The following DPY19L1 variants were observed in gnomAD, a reference collection of about 807,000 sequenced individuals.
DPY19L1 encodes the protein protein C-mannosyl-transferase DPY19L1.
Under a neutral mutation model 96.9 loss-of-function variants are expected in DPY19L1, and 35 were observed. That is an observed-to-expected ratio of 0.36 (90% CI 0.28 to 0.48). The LOEUF (loss-of-function observed/expected upper bound fraction) is 0.48, where lower values mean the gene tolerates loss of function less well. Among genes scored for constraint, DPY19L1 ranks in the 20% least tolerant of loss-of-function variants. The pLI, the probability that DPY19L1 is intolerant of heterozygous loss-of-function variation, is 0.99. For synonymous variants in DPY19L1, 205 were observed against 252.6 expected, an observed-to-expected ratio of 0.81 and a Z score of 1.79; for missense variants, 521 against 777.9, an observed-to-expected ratio of 0.67 and a Z score of 3.93.
chr7:35,017,072 T>C lies in DPY19L1; in HGVS notation c.411+810A>G, dbSNP rs376960707. On this transcript the variant is annotated intron_variant, in intron 3 of 21. Coordinates refer to ENST00000638088, the MANE Select transcript of DPY19L1 (RefSeq NM_001366673.1). ...TTTCTATTTGATTATATTAAGGATA[T>C]TGTTAAATGTTTTCCAGTATGTCTT... Among the ~76,000 whole-genome samples the C allele has an allele frequency of 7.2e-5, 11 of 152,122 alleles. No homozygotes were observed. In the East Asian group the frequency reaches 1.4e-3, roughly 19 times the overall value.
At chr7:35,008,704 A>AT (rs1043801599) in intron 6 of DPY19L1, among the ~76,000 whole-genome samples, 8 of 152,156 alleles carry the variant, frequency 5.3e-5, no homozygotes, top group African/African-American at 1.7e-4. Flanking sequence ...AAGACCCCAT[A>AT]TTTTTTTAAA....
intron 1 of DPY19L1, among the ~76,000 whole-genome samples, chr7:35,022,935 G>A (rs911530576): frequency 2.6e-4 from 39 of 152,234 alleles, no homozygotes; most frequent in African/African-American, 7.5e-4. Context: ...GCGGCTGGGC[G>A]GACACTCCCC....
chr7:35,029,999 G>A (rs1451170028), intron 1 of DPY19L1, among the ~76,000 whole-genome samples: 2 of 152,152 alleles, frequency 1.3e-5, no homozygotes, highest in Non-Finnish European at 2.9e-5. Context: ...AATTCTAAGA[G>A]GGTAACCTTT....
At chr7:35,035,602 C>T (rs778945121) in intron 1 of DPY19L1, among the ~76,000 whole-genome samples, 50 of 152,208 alleles carry the variant, frequency 3.3e-4, no homozygotes, top group Non-Finnish European at 6.0e-4. Context: ...CACACACTTT[C>T]TTTTATTACA....
chr7:34,942,663 C>T, intron 16 of DPY19L1, 24 bp from the exon 17 acceptor site: 1 of 1,582,664 alleles, frequency 6.3e-7, no homozygotes, highest in Non-Finnish European at 8.6e-7. Context: ...AAATATATTG[C>T]CATCAATTCA....
At chr7:35,027,688 A>AAAAAAAAAAAAAAAAAAAG (rs1786160235) in intron 1 of DPY19L1, among the ~76,000 whole-genome samples, 1 of 148,704 alleles carries the variant, frequency 6.7e-6, no homozygotes, top group Non-Finnish European at 1.5e-5. Flanking sequence ...AAAAAAAAAA[A>AAAAAAAAAAAAAAAAAAAG]TTAGTTGGGC....
chr7:35,033,854 T>A (rs890526110), intron 1 of DPY19L1, among the ~76,000 whole-genome samples: 11 of 151,978 alleles, frequency 7.2e-5, no homozygotes, highest in Non-Finnish European at 1.5e-5. Context: ...CAGGGTACAA[T>A]GGCCAAAATC....
chr7:35,023,447 C>T (rs1437503188), intron 1 of DPY19L1, among the ~76,000 whole-genome samples: 2 of 152,234 alleles, frequency 1.3e-5, no homozygotes, highest in Non-Finnish European at 2.9e-5. Flanking sequence ...TCTCCCACAA[C>T]TGCAGCCACC....
At chr7:35,026,634 T>C (rs909335222) in intron 1 of DPY19L1, among the ~76,000 whole-genome samples, 5 of 152,128 alleles carry the variant, frequency 3.3e-5, no homozygotes, top group East Asian at 1.9e-4. Context: ...GAGAAGAATA[T>C]AGTAACAATC....
Position 34,995,320 on chromosome 7 carries a change from G to A in DPY19L1, c.765-5379C>T, listed in dbSNP as rs1277538057. Among the ~76,000 whole-genome samples, 4 of 142,850 alleles carry A rather than the reference G, an allele frequency of 2.8e-5. No homozygotes were observed. The South Asian group carries it at 8.7e-4, about 31-fold the overall frequency. The allele number at this position is 142,850 out of a possible 152,430, so 93.7% of individuals were successfully genotyped here. A position where few individuals can be genotyped will look rare whatever the true frequency, so the allele number is the denominator to read the frequency against. ...GTTGATATTTTAGCATTCCCTAGTGGTTAAAAAAAAAAAGTCTCTTCTGCA... is the reference window on the plus strand; with the variant it reads ...GTTGATATTTTAGCATTCCCTAGTGATTAAAAAAAAAAAGTCTCTTCTGCA... On this transcript the variant is annotated intron_variant, in intron 6 of 21. Coordinates refer to ENST00000638088, the MANE Select transcript of DPY19L1 (RefSeq NM_001366673.1).
intron 3 of DPY19L1, among the ~76,000 whole-genome samples, chr7:35,014,432 G>A (rs561349482): frequency 9.9e-5 from 15 of 151,900 alleles, no homozygotes; most frequent in Admixed American, 9.2e-4. Flanking sequence ...GAAGCCTAAC[G>A]GAGAGTCTAA....
In DPY19L1 at chr7:34,954,350, T is replaced by C. The variant is rs192389324; in HGVS notation, c.1320+348A>G. Among the ~76,000 whole-genome samples, 22 of 152,104 alleles carry C rather than the reference T, an allele frequency of 1.4e-4. No individual in the cohort carries two copies. The East Asian group carries it at 4.2e-3, about 29-fold the overall frequency. Reference sequence around the variant, plus strand: ...AAAAAAGAATGAGACTATAATACGATCTCCAATTAAGGCTCTAAAGATGGT... The same window carrying C: ...AAAAAAGAATGAGACTATAATACGACCTCCAATTAAGGCTCTAAAGATGGT... On this transcript the variant is annotated intron_variant, in intron 13 of 21. Coordinates refer to ENST00000638088, the MANE Select transcript of DPY19L1 (RefSeq NM_001366673.1).
In DPY19L1 at chr7:34,931,725, C is replaced by T; in HGVS notation, c.2095G>A (p.Gly699Ser). The change falls in exon 22 of 22, where the codon GGT becomes AGT. Residue 699 changes from glycine (G) to serine (S), a missense_variant. Transcript: ENST00000638088. Reference protein sequence around the residue: ...ESWCVRRSKPGCSMPEIWDVE... With the variant: ...ESWCVRRSKPSCSMPEIWDVE... ...TCCCAAATTTCAGGCATACTGCAAC[C>T]AGGCCTAGAAAAATGAATGTACATG... 1 of 1,567,160 alleles carries T rather than the reference C, an allele frequency of 6.4e-7. No homozygotes were observed.
intron 13 of DPY19L1, 182 bp downstream of exon 13, chr7:34,954,516 A>G (rs1442081035): frequency 6.1e-5 from 23 of 374,640 alleles, no homozygotes; most frequent in Admixed American, 3.7e-4. Flanking sequence ...TTAAGAAACT[A>G]ATTTTGGAGA....
chr7:34,988,516 G>T (rs1785098084), intron 7 of DPY19L1, among the ~76,000 whole-genome samples: 1 of 151,258 alleles, frequency 6.6e-6, no homozygotes, highest in African/African-American at 2.4e-5. Flanking sequence ...TTACATTTCT[G>T]TGATTCTAAA....
At chr7:34,955,205 A>T (rs1784352305) in intron 12 of DPY19L1, 103 bp downstream of exon 12, 2 of 1,405,552 alleles carry the variant, frequency 1.4e-6, no homozygotes, top group East Asian at 4.9e-5. Flanking sequence ...AAACTGTTGG[A>T]TCCCCTGAGT....
intron 1 of DPY19L1, among the ~76,000 whole-genome samples, chr7:35,024,005 T>C (rs1021798938): frequency 7.9e-5 from 12 of 151,832 alleles, no homozygotes; most frequent in African/African-American, 2.9e-4. Flanking sequence ...CCGGCTAATT[T>C]TTTGTATTTT....
chr7:34,974,171 TA>T (rs1447084069), intron 7 of DPY19L1, among the ~76,000 whole-genome samples: 1 of 152,200 alleles, frequency 6.6e-6, no homozygotes, highest in Non-Finnish European at 1.5e-5. Flanking sequence ...TTGTTAAGTA[TA>T]AACCTTTCTG....
Position 34,991,233 on chromosome 7 carries a change from CTG to C in DPY19L1, c.765-1294_765-1293del, listed in dbSNP as rs1357598393. 2.0e-5 allele frequency among the ~76,000 whole-genome samples: 3 copies of C among 152,286 alleles called. No individual in the cohort carries two copies. In the East Asian group the frequency reaches 5.8e-4, roughly 29 times the overall value. On this transcript the variant is annotated intron_variant, in intron 6 of 21. Transcript: ENST00000638088. ...CACTCACATTTCAGGAGAGTGGTAA[CTG>C]GGGAAAACACAGTGCTGCTGGGATA...
Sources: allele counts gnomAD v4.1 joint callset (sites outside exome capture counted in the v4.1 genomes callset), GRCh38; gene constraint gnomAD v4.1.1; transcripts MANE v1.5; gene names NCBI Gene and HGNC (gene_info 2026-07-23, HGNC 2026-07-21).